Variants in ABHD12 observed in about 807,000 individuals in gnomAD.
ABHD12 encodes abhydrolase domain containing 12, lysophospholipase, also known as lysophosphatidylserine lipase ABHD12.
In ABHD12, 43 loss-of-function variants were observed where a neutral mutation model predicts 58.3. The ratio of observed to expected loss-of-function variants is 0.74; its 90% CI spans 0.58 to 0.95. The LOEUF is 0.95. Ranked by LOEUF, ABHD12 falls within the 40% of genes least tolerant of loss-of-function variation. The pLI, the probability that ABHD12 is intolerant of heterozygous loss-of-function variation, is 0.00. For missense variants in ABHD12, 539 were observed against 537.2 expected (o/e 1.00, Z -0.03); for synonymous variants, 219 against 211.2 (o/e 1.04, Z -0.32).
At chr20:25,348,977 G>C (rs6037094) in intron 1 of ABHD12, among the ~76,000 whole-genome samples, 5 of 151,954 alleles carry the variant, frequency 3.3e-5, no homozygotes, top group African/African-American at 9.6e-5. Context: ...CCAGCCACTC[G>C]GGAGGCTGAG....
chr20:25,338,203 T>C (rs532243822), intron 2 of ABHD12, among the ~76,000 whole-genome samples: 118 of 152,288 alleles, frequency 7.7e-4, no homozygotes, highest in Non-Finnish European at 1.6e-3. Flanking sequence ...TGTGTTCCTC[T>C]GCGGCCTCCT....
chr20:25,295,667 C>G, downstream of ABHD12: 1 of 1,613,000 alleles, frequency 6.2e-7, no homozygotes, highest in Non-Finnish European at 8.5e-7. Flanking sequence ...ACCAGCTGTA[C>G]CGGGTGAGGC....
At chr20:25,298,468 T>G (rs2088585560), downstream of ABHD12, among the ~76,000 whole-genome samples, 1 of 152,106 alleles carries the variant, frequency 6.6e-6, no homozygotes, top group Non-Finnish European at 1.5e-5. Flanking sequence ...TTGGCCAGGC[T>G]GGTCTCAAAC....
chr20:25,341,150 G>C (rs2089449007), intron 1 of ABHD12, among the ~76,000 whole-genome samples: 1 of 152,258 alleles, frequency 6.6e-6, no homozygotes, highest in South Asian at 2.1e-4. Flanking sequence ...GTGGTGGACA[G>C]TCAGGGCAGC....
At chr20:25,336,267 CA>C (rs1243435047) in intron 2 of ABHD12, among the ~76,000 whole-genome samples, 4 of 151,388 alleles carry the variant, frequency 2.6e-5, no homozygotes, top group African/African-American at 9.7e-5. Context: ...AGCATTTTCT[CA>C]GAGTAATGTT....
At chr20:25,303,393 G>A in intron 11 of ABHD12, 157 bp downstream of exon 11, 1 of 1,521,506 alleles carries the variant, frequency 6.6e-7, no homozygotes, top group Non-Finnish European at 8.8e-7. Flanking sequence ...GACGCAGGGA[G>A]GATGAGGTGG....
chr20:25,315,248 C>T (rs908662712), intron 5 of ABHD12, among the ~76,000 whole-genome samples: 2 of 151,996 alleles, frequency 1.3e-5, no homozygotes, highest in South Asian at 2.1e-4. Context: ...AGTGTCCGGC[C>T]GCAGCTCCAC....
At chr20:25,324,968 T>TA (rs1383978738) in intron 2 of ABHD12, among the ~76,000 whole-genome samples, 41 of 151,892 alleles carry the variant, frequency 2.7e-4, no homozygotes, top group African/African-American at 9.4e-4. Context: ...TGGCTCCTAT[T>TA]AGATTGCCAG....
At chr20:25,359,935 AT>A (rs557960278) in intron 1 of ABHD12, among the ~76,000 whole-genome samples, 130 of 152,100 alleles carry the variant, frequency 8.5e-4, no homozygotes, top group African/African-American at 3.0e-3. Flanking sequence ...CGTTAAAAAT[AT>A]TTCCCTCTAT....
intron 1 of ABHD12, among the ~76,000 whole-genome samples, chr20:25,375,646 T>C (rs2089953065): frequency 6.6e-6 from 1 of 152,116 alleles, no homozygotes; most frequent in Non-Finnish European, 1.5e-5. Context: ...GCTAGGGTAC[T>C]GTAGGGCTCA....
At chr20:25,334,378 C>T (rs967910835) in intron 2 of ABHD12, among the ~76,000 whole-genome samples, 8 of 149,370 alleles carry the variant, frequency 5.4e-5, no homozygotes, top group African/African-American at 1.5e-4. Context: ...GGCCATACTG[C>T]CCAAGGTAAT....
chr20:25,304,630 C>T (rs1411830809), intron 10 of ABHD12, among the ~76,000 whole-genome samples: 3 of 151,906 alleles, frequency 2.0e-5, no homozygotes, highest in Admixed American at 6.6e-5. Context: ...TGCAGTGGTG[C>T]GATCTCAGCT....
intron 1 of ABHD12, among the ~76,000 whole-genome samples, chr20:25,354,814 C>T (rs996282046): frequency 3.1e-4 from 47 of 152,060 alleles, no homozygotes; most frequent in Non-Finnish European, 6.3e-4. Flanking sequence ...TTTTGACTGT[C>T]GTATTTTCTT....
At chr20:25,369,305 C>A (rs1250431910) in intron 1 of ABHD12, among the ~76,000 whole-genome samples, 1 of 151,960 alleles carries the variant, frequency 6.6e-6, no homozygotes, top group African/African-American at 2.4e-5. Flanking sequence ...TGTTTTGTTG[C>A]GGAGTTTTAA....
chr20:25,336,850 G>A (rs549352064), intron 2 of ABHD12, among the ~76,000 whole-genome samples: 2 of 152,312 alleles, frequency 1.3e-5, no homozygotes, highest in Non-Finnish European at 2.9e-5. Flanking sequence ...GGCAGGAGGA[G>A]TGGGGTGTGG....
At chr20:25,339,735 C>T (rs1160093458) in intron 1 of ABHD12, 5 of 1,344,932 alleles carry the variant, frequency 3.7e-6, no homozygotes, top group African/African-American at 1.5e-5. Context: ...CCTCCCGATC[C>T]GTCTTCTGTG....
chr20:25,387,832 C>T (rs182173955), intron 1 of ABHD12, among the ~76,000 whole-genome samples: 2 of 151,706 alleles, frequency 1.3e-5, no homozygotes, highest in Middle Eastern at 3.4e-3. Context: ...CACGAGGTCA[C>T]GAGTTCGAGA....
chr20:25,359,418 C>T (rs1349219015), intron 1 of ABHD12, among the ~76,000 whole-genome samples: 3 of 63,164 alleles, frequency 4.7e-5, no homozygotes, highest in East Asian at 4.2e-4. Flanking sequence ...AGCGAGACTC[C>T]GTCTCAAAAA....
chr20:25,301,000 G>A, intron 12 of ABHD12, 116 bp from the exon 13 acceptor site: 2 of 1,076,944 alleles, frequency 1.9e-6, no homozygotes, highest in Non-Finnish European at 2.8e-6. Context: ...AGGCAGCCAA[G>A]AGCCCCATGA....
Sources: allele counts gnomAD v4.1 joint callset (sites outside exome capture counted in the v4.1 genomes callset), GRCh38; gene constraint gnomAD v4.1.1; transcripts MANE v1.5; gene names NCBI Gene and HGNC (gene_info 2026-07-23, HGNC 2026-07-21).